The following IDH3A variants were observed in gnomAD, a reference collection of about 807,000 sequenced individuals.
IDH3A encodes isocitrate dehydrogenase (NAD(+)) 3 catalytic subunit alpha.
IDH3A carries 23 observed loss-of-function variants against 43.3 expected under a neutral mutation model. The observed-to-expected ratio is 0.53, with a 90% confidence interval of 0.38 to 0.75. The LOEUF (loss-of-function observed/expected upper bound fraction) is 0.75. Among genes scored for constraint, IDH3A ranks in the 30% least tolerant of loss-of-function variants. The pLI, the probability that IDH3A is intolerant of heterozygous loss-of-function variation, is 0.00. For synonymous variants in IDH3A, 154 were observed against 163.5 expected, an observed-to-expected ratio of 0.94 and a Z score of 0.44; for missense variants, 329 against 474.4, an observed-to-expected ratio of 0.69 and a Z score of 2.85.
chr15:78,150,302 C>G (rs530173886), intron 1 of IDH3A, among the ~76,000 whole-genome samples: 106 of 152,300 alleles, frequency 7.0e-4, no homozygotes, highest in Middle Eastern at 3.4e-3. Flanking sequence ...GGGAGAGGAA[C>G]CTAGGTGTCT....
At position 78,157,549 on chromosome 15, in the gene IDH3A, T is replaced by A; in HGVS notation, c.92T>A (p.Val31Asp). 1.2e-6 allele frequency: 2 copies of A among 1,607,082 alleles called. No individual in the cohort carries two copies. Among genetic ancestry groups the A allele is most frequent in the Non-Finnish European group, 8.5e-7 (1 of 1,175,364 alleles). Residue 31 changes from valine to aspartate, a missense_variant and splice_region_variant, in exon 3 of 11, where the codon GTT becomes GAT. Coordinates refer to ENST00000299518, the MANE Select transcript of IDH3A (RefSeq NM_005530.3). ...KQVTRGFTGG[V>D]QTVTLIPGDG... ...TCTTTGATGATTTCTTATGTTCAGG[T>A]TCAGACAGTAACTTTAATTCCAGGA...
Position 78,163,271 on chromosome 15 carries a change from CTT to C in IDH3A, c.612-235_612-234del, listed in dbSNP as rs2074702962. Among the ~76,000 whole-genome samples, 5 of 152,100 alleles carry C rather than the reference CTT, an allele frequency of 3.3e-5. No homozygotes were observed. The South Asian group carries it at 1.0e-3, about 32-fold the overall frequency. On this transcript the variant is annotated intron_variant, in intron 6 of 10. Coordinates refer to ENST00000299518, the MANE Select transcript of IDH3A (RefSeq NM_005530.3). ...TTAGATAACACTATAAAAATATAGTCTTCTCTGTTATGATCAAACTATTTTAC... is the reference window on the plus strand; with the variant it reads ...TTAGATAACACTATAAAAATATAGTCCTCTGTTATGATCAAACTATTTTAC...
At chr15:78,164,957 T>A (rs528789146) in intron 8 of IDH3A, 35 bp from the exon 9 acceptor site, 2 of 1,554,492 alleles carry the variant, frequency 1.3e-6, no homozygotes, top group South Asian at 1.1e-5. Flanking sequence ...GTTTTATTTT[T>A]AAAAACATTC....
chr15:78,149,882 C>T (rs2074559486), intron 1 of IDH3A, among the ~76,000 whole-genome samples: 1 of 152,386 alleles, frequency 6.6e-6, no homozygotes, highest in East Asian at 1.9e-4. Context: ...TCTGCGCGGC[C>T]CTTGGCCGGG....
chr15:78,163,597 A>G lies in IDH3A; in HGVS notation c.702A>G (p.Thr234=). The change falls in exon 7 of 11, where the codon ACA becomes ACG. Residue 234 remains threonine, a synonymous_variant. Coordinates refer to ENST00000299518, the MANE Select transcript of IDH3A (RefSeq NM_005530.3). Reference sequence around the variant, plus strand: ...AATTTAATGAGATGTACCTTGATACAGTATGTTTGAATGTAAGTATATATT... The same window carrying G: ...AATTTAATGAGATGTACCTTGATACGGTATGTTTGAATGTAAGTATATATT... ...DIKFNEMYLD[T]VCLNMVQDPS... 6.2e-7 allele frequency: 1 copy of G among 1,600,764 alleles called. No individual in the cohort carries two copies. The highest frequency in any genetic ancestry group is 8.6e-7 in the Non-Finnish European group (1 of 1,168,010).
In IDH3A at chr15:78,162,280, C is replaced by T. The variant is rs765473830; in HGVS notation, c.524C>T (p.Ala175Val). The T allele has an allele frequency of 2.5e-6, 4 of 1,614,080 alleles. No homozygotes were observed. Among genetic ancestry groups the T allele is most frequent in the Admixed American group, 1.7e-5 (1 of 60,022 alleles). The change falls in exon 6 of 11, where the codon GCG becomes GTG. Residue 175 changes from alanine to valine, a missense_variant. Transcript: ENST00000299518. ...VQSIKLITEGASKRIAEFAFE... is the reference protein window; with the variant it reads ...VQSIKLITEGVSKRIAEFAFE... ...AGTATCAAGCTCATCACCGAGGGGG[C>T]GAGCAAGCGCATTGCTGAGTTTGCC...
intron 1 of IDH3A, chr15:78,154,378 G>T (rs2074607532): frequency 6.6e-6 from 1 of 152,086 alleles, no homozygotes; most frequent in African/African-American, 2.4e-5. Flanking sequence ...GCATCAGATG[G>T]TATTAAATAA....
At position 78,161,926 on chromosome 15, in the gene IDH3A, G is replaced by A; in HGVS notation, c.477+158G>A. 6.6e-6 allele frequency among the ~76,000 whole-genome samples: 1 copy of A among 152,130 alleles called. No individual in the cohort carries two copies. Among genetic ancestry groups the A allele is most frequent in the Non-Finnish European group, 1.5e-5 (1 of 68,020 alleles). ...AGTACTCAAACAAATGTAAGGCATG[G>A]TGGTTCGCGTCACAAGCTTGGGAAT... On this transcript the variant is annotated intron_variant, in intron 5 of 10. Coordinates refer to ENST00000299518, the MANE Select transcript of IDH3A (RefSeq NM_005530.3). This position sits in a 1 kb window ranked among gnomAD's most constrained non-coding sequence, Gnocchi z 4.8.
At chr15:78,155,382 G>A (rs985518743) in intron 2 of IDH3A, 107 bp downstream of exon 2, 7 of 706,002 alleles carry the variant, frequency 9.9e-6, no homozygotes, top group South Asian at 8.2e-5. Flanking sequence ...TAGAATTTGG[G>A]AAAATTGGCC....
intron 1 of IDH3A, among the ~76,000 whole-genome samples, chr15:78,153,707 G>T (rs760838922): frequency 6.6e-6 from 1 of 152,184 alleles, no homozygotes; most frequent in Non-Finnish European, 1.5e-5. Flanking sequence ...TCTAGCAGGA[G>T]AAAAAGTTAC....
At chr15:78,162,049 A>G (rs1226233253) in intron 5 of IDH3A, among the ~76,000 whole-genome samples, 185 bp from the exon 6 acceptor site, 1 of 152,194 alleles carries the variant, frequency 6.6e-6, no homozygotes, top group East Asian at 1.9e-4. Context: ...AGTGGGGCTC[A>G]TAATACTTAC....
intron 6 of IDH3A, 143 bp from the exon 7 acceptor site, chr15:78,163,364 C>T (rs2074703617): frequency 1.7e-5 from 10 of 595,170 alleles, no homozygotes; most frequent in Non-Finnish European, 3.0e-5. Flanking sequence ...TATTAACTAC[C>T]TAAGAAATAA....
Position 78,157,726 on chromosome 15 carries a change from T to C in IDH3A, c.174+95T>C, listed in dbSNP as rs539948875. ...GAACTTTTAGGATGCATTGTACCCATTTCTATGAAATTTAGTCAGGTCTGT... is the reference window on the plus strand; with the variant it reads ...GAACTTTTAGGATGCATTGTACCCACTTCTATGAAATTTAGTCAGGTCTGT... On this transcript the variant is annotated intron_variant, in intron 3 of 10. Coordinates refer to ENST00000299518, the MANE Select transcript of IDH3A (RefSeq NM_005530.3). 15 of 771,608 alleles carry C rather than the reference T, an allele frequency of 1.9e-5. No homozygotes were observed. The African/African-American group carries it at 2.1e-4, about 11-fold the overall frequency. 47.8% of individuals were successfully genotyped at this position (771,608 alleles called of 1,614,324 possible).
At chr15:78,165,154 G>C (rs2074725203) in intron 9 of IDH3A, 78 bp downstream of exon 9, 1 of 830,606 alleles carries the variant, frequency 1.2e-6, no homozygotes, top group African/African-American at 1.7e-5. Context: ...GTATAAGTAT[G>C]CTTTAACTCC....
At position 78,155,070 on chromosome 15, in the gene IDH3A, T is replaced by A. The variant is rs905756088; in HGVS notation, c.28-143T>A. ...GAGATAGCTTGCCACATTGAGCTAATACATGAGATTTGTATTCCTGGGAAG... is the reference window on the plus strand; with the variant it reads ...GAGATAGCTTGCCACATTGAGCTAAAACATGAGATTTGTATTCCTGGGAAG... On this transcript the variant is annotated intron_variant, in intron 1 of 10. Transcript: ENST00000299518. The A allele has an allele frequency of 2.0e-5, 10 of 508,240 alleles. No individual in the cohort carries two copies. In the East Asian group the frequency reaches 3.1e-4, roughly 16 times the overall value. The allele number at this position is 508,240 out of a possible 1,614,324, so 31.5% of individuals were successfully genotyped here. A position where few individuals can be genotyped will look rare whatever the true frequency, so the allele number is the denominator to read the frequency against.
At chr15:78,162,165 C>T (rs1285630555) in intron 5 of IDH3A, 69 bp from the exon 6 acceptor site, 2 of 1,572,000 alleles carry the variant, frequency 1.3e-6, no homozygotes, top group South Asian at 1.1e-5. Flanking sequence ...CTGTCTACTC[C>T]CCACCCTCTG....
intron 2 of IDH3A, chr15:78,157,003 G>A: frequency 7.5e-7 from 1 of 1,333,332 alleles, no homozygotes; most frequent in Non-Finnish European, 9.9e-7. Context: ...TTGATAAAAA[G>A]TCTGATTTTC....
intron 8 of IDH3A, 51 bp downstream of exon 8, chr15:78,163,831 A>G (rs749871488): frequency 1.8e-6 from 2 of 1,128,296 alleles, no homozygotes; most frequent in Non-Finnish European, 2.7e-6. Flanking sequence ...ACTTATAAAC[A>G]TCCTAAAATA....
chr15:78,154,298 A>G (rs1190870235), intron 1 of IDH3A: 2 of 152,106 alleles, frequency 1.3e-5, no homozygotes, highest in Non-Finnish European at 2.9e-5. Context: ...AACTGACAGT[A>G]ATGACCACAT....
Sources: allele counts gnomAD v4.1 joint callset (sites outside exome capture counted in the v4.1 genomes callset), GRCh38; gene constraint gnomAD v4.1.1; non-coding constraint Gnocchi (gnomAD v3.1); transcripts MANE v1.5; gene names NCBI Gene and HGNC (gene_info 2026-07-23, HGNC 2026-07-21).